Variants in MDFIC observed in about 807,000 individuals in gnomAD.
MDFIC encodes MyoD family inhibitor domain containing, also known as myoD family inhibitor domain-containing protein.
In MDFIC, 17 loss-of-function variants were observed where a neutral mutation model predicts 23.2. That is an observed-to-expected ratio of 0.73 (90% CI 0.50 to 1.10). The LOEUF is 1.10. Ranked by LOEUF, MDFIC falls within the 50% of genes least tolerant of loss-of-function variation. MDFIC has a pLI of 0.00. For missense variants in MDFIC, 356 were observed against 316.6 expected, an observed-to-expected ratio of 1.12 and a Z score of -0.95; for synonymous variants, 120 against 115.2, an observed-to-expected ratio of 1.04 and a Z score of -0.27.
chr7:115,016,054 T>A lies in MDFIC; in HGVS notation c.*119T>A. The A allele has an allele frequency of 9.9e-7, 1 of 1,009,054 alleles. No homozygotes were observed. Among genetic ancestry groups the A allele is most frequent in the Non-Finnish European group, 1.4e-6 (1 of 693,170 alleles). The allele number at this position is 1,009,054 out of a possible 1,614,324, so 62.5% of individuals were successfully genotyped here. ...CATGGAATTTGCACTGTTAACTCAT[T>A]ATTGTAAGTAATCTCTGAAAGCCTT... On this transcript the variant is annotated 3_prime_UTR_variant, in exon 5 of 5. Coordinates refer to ENST00000393486, the MANE Select transcript of MDFIC (RefSeq NM_001166345.3).
chr7:114,962,893 C>A (rs1219176272), intron 3 of MDFIC, among the ~76,000 whole-genome samples: 1 of 152,074 alleles, frequency 6.6e-6, no homozygotes, highest in Non-Finnish European at 1.5e-5. Context: ...TTCTTTCTAG[C>A]CTAAGAACAA....
chr7:114,979,951 G>A (rs1056500149), intron 4 of MDFIC, 170 bp downstream of exon 4: 30 of 787,162 alleles, frequency 3.8e-5, no homozygotes, highest in Non-Finnish European at 6.1e-5. Flanking sequence ...AGATAGAAAA[G>A]GAAGCAGTGG....
chr7:114,972,136 G>A (rs1010412888), intron 3 of MDFIC, among the ~76,000 whole-genome samples: 1 of 152,050 alleles, frequency 6.6e-6, no homozygotes, highest in Non-Finnish European at 1.5e-5. Flanking sequence ...GGGGAGGGAG[G>A]GAATGTTTAG....
intron 4 of MDFIC, among the ~76,000 whole-genome samples, chr7:114,990,929 T>C (rs77399849): frequency 0.99 from 150,528 of 151,996 alleles, 74,550 homozygotes; most frequent in Middle Eastern, 1. Context: ...GCCACACTGT[T>C]TTCCACAATG....
At chr7:114,977,999 T>G (rs1181525889) in intron 3 of MDFIC, among the ~76,000 whole-genome samples, 1 of 148,176 alleles carries the variant, frequency 6.7e-6, no homozygotes, top group African/African-American at 2.5e-5. Flanking sequence ...ACCATTAATA[T>G]TTATATTAAT....
At chr7:114,924,302 C>T (rs370698325) in intron 2 of MDFIC, among the ~76,000 whole-genome samples, 20 of 152,310 alleles carry the variant, frequency 1.3e-4, no homozygotes, top group African/African-American at 3.8e-4. Flanking sequence ...ATTAGGCATG[C>T]CCTTAGTAGT....
chr7:114,945,944 A>G (rs1792635431), intron 3 of MDFIC, among the ~76,000 whole-genome samples: 2 of 152,230 alleles, frequency 1.3e-5, no homozygotes, highest in Non-Finnish European at 1.5e-5. Context: ...TAAGAGCACC[A>G]ACTAAGCCTT....
intron 4 of MDFIC, among the ~76,000 whole-genome samples, chr7:115,008,671 T>A (rs1324952971): frequency 2.0e-5 from 3 of 152,106 alleles, no homozygotes; most frequent in Non-Finnish European, 4.4e-5. Flanking sequence ...TTAGTAAACA[T>A]TTCCCGCCCC....
intron 4 of MDFIC, among the ~76,000 whole-genome samples, chr7:114,994,125 G>A (rs189465998): frequency 1.4e-4 from 22 of 152,010 alleles, no homozygotes; most frequent in Non-Finnish European, 2.9e-4. Context: ...GTCTCTTTTG[G>A]TCTTTGTTGG....
chr7:114,997,592 A>T (rs1412247080), intron 4 of MDFIC, among the ~76,000 whole-genome samples: 1 of 131,288 alleles, frequency 7.6e-6, no homozygotes, highest in Non-Finnish European at 1.7e-5. Flanking sequence ...AAAAAAAAAA[A>T]ATTAACCAGG....
At chr7:114,929,289 A>T (rs1792263041) in intron 2 of MDFIC, among the ~76,000 whole-genome samples, 1 of 152,042 alleles carries the variant, frequency 6.6e-6, no homozygotes, top group African/African-American at 2.4e-5. Context: ...TGTATTTTTT[A>T]GTAGAGACGG....
intron 4 of MDFIC, among the ~76,000 whole-genome samples, chr7:115,009,162 G>C (rs1055360597): frequency 1.3e-5 from 2 of 152,194 alleles, no homozygotes; most frequent in Non-Finnish European, 2.9e-5. Flanking sequence ...ACTTGATTAA[G>C]AAAGTACTTT....
chr7:114,929,026 A>G (rs1036888904), intron 2 of MDFIC, among the ~76,000 whole-genome samples: 13 of 150,438 alleles, frequency 8.6e-5, no homozygotes, highest in South Asian at 2.1e-4. Flanking sequence ...ATGGTTGGGT[A>G]AAAAATATAG....
At chr7:115,009,986 C>G (rs1258370238) in intron 4 of MDFIC, among the ~76,000 whole-genome samples, 1 of 152,148 alleles carries the variant, frequency 6.6e-6, no homozygotes, top group Non-Finnish European at 1.5e-5. Flanking sequence ...TTCCCAGAAC[C>G]AAGTGGTCTT....
rs1005176105 is a variant in MDFIC at position 114,963,896 on chromosome 7, T to C, written c.218-15610T>C. 3.3e-5 allele frequency among the ~76,000 whole-genome samples: 5 copies of C among 152,180 alleles called. 1 individual carries two copies. The highest frequency in any genetic ancestry group is 1.3e-4 in the Admixed American group (2 of 15,282). ...TGCTGGGCTTTGTTTACTTAGATGT[T>C]TAGTGTATTTTTGTTTACCTTTATT... On this transcript the variant is annotated intron_variant, in intron 3 of 4. Coordinates refer to ENST00000393486, the MANE Select transcript of MDFIC (RefSeq NM_001166345.3).
At chr7:114,966,962 C>G (rs1277107160) in intron 3 of MDFIC, among the ~76,000 whole-genome samples, 1 of 151,252 alleles carries the variant, frequency 6.6e-6, no homozygotes, top group African/African-American at 2.4e-5. Context: ...TTCAAAAAGG[C>G]GTATTGGATT....
At chr7:115,000,677 C>T (rs955291455) in intron 4 of MDFIC, among the ~76,000 whole-genome samples, 2 of 152,094 alleles carry the variant, frequency 1.3e-5, no homozygotes, top group African/African-American at 4.8e-5. Flanking sequence ...TTCAATTTCT[C>T]ACCTTAAAAA....
chr7:114,935,824 C>T (rs1388706732), intron 2 of MDFIC, among the ~76,000 whole-genome samples: 1 of 152,036 alleles, frequency 6.6e-6, no homozygotes, highest in East Asian at 1.9e-4. Context: ...GGAAACAATA[C>T]TTTTCCTTGT....
At chr7:114,998,931 G>A (rs1252820078) in intron 4 of MDFIC, among the ~76,000 whole-genome samples, 1 of 152,168 alleles carries the variant, frequency 6.6e-6, no homozygotes, top group Non-Finnish European at 1.5e-5. Flanking sequence ...AGTAGGAGGA[G>A]CATCTATCTT....
Sources: gnomAD v4.1 joint callset for allele counts (sites outside exome capture counted in the v4.1 genomes callset) on GRCh38, gnomAD v4.1.1 for gene constraint, MANE v1.5 for transcripts, NCBI Gene and HGNC (gene_info 2026-07-23, HGNC 2026-07-21) for gene names.